Variants in BSN observed in about 807,000 individuals in gnomAD.
BSN encodes bassoon presynaptic cytomatrix protein, also known as protein bassoon.
BSN carries 57 observed loss-of-function variants against 264.8 expected under a neutral mutation model. That is an observed-to-expected ratio of 0.22 (90% CI 0.17 to 0.27). BSN has a LOEUF of 0.27. Ranked by LOEUF, BSN falls within the 10% of genes least tolerant of loss-of-function variation. The probability of loss-of-function intolerance (pLI) is 1.00; values close to 1 mark genes in which losing one functional copy is unlikely to be tolerated. For synonymous variants in BSN, 2,059 were observed against 2,137.3 expected (o/e 0.96, Z 1.01); for missense variants, 4,615 against 5,232.5 (o/e 0.88, Z 3.64).
chr3:49,558,751 T>G (rs1396969507), intron 1 of BSN, among the ~76,000 whole-genome samples: 3 of 152,186 alleles, frequency 2.0e-5, no homozygotes, highest in Non-Finnish European at 4.4e-5. Flanking sequence ...ATCTGAATGG[T>G]GACGATGTCA....
At chr3:49,646,093 G>A (rs4855846) in intron 3 of BSN, among the ~76,000 whole-genome samples, 124,521 of 152,176 alleles carry the variant, frequency 0.82, 51,307 homozygotes, top group East Asian at 0.99. Flanking sequence ...CTGAGCTGTA[G>A]AAATCTTTCT....
chr3:49,619,391 C>T (rs1377755950), intron 1 of BSN, among the ~76,000 whole-genome samples: 1 of 152,194 alleles, frequency 6.6e-6, no homozygotes, highest in African/African-American at 2.4e-5. Flanking sequence ...TCCAAAGAAC[C>T]CAAACTGCAA....
chr3:49,655,548 G>A lies in BSN; in HGVS notation c.5992G>A (p.Ala1998Thr). The change falls in exon 5 of 12, where the codon GCC (alanine) becomes ACC (threonine). Residue 1998 changes from alanine (A) to threonine (T), a missense_variant. Ala to Thr is a moderately conservative substitution (Grantham distance 58). This residue lies in a region of BSN where 3,415 missense variants were observed against 3,866.4 expected (regional missense o/e 0.88). Coordinates refer to ENST00000296452, the MANE Select transcript of BSN (RefSeq NM_003458.4). The stretch of plus-strand genomic sequence containing the variant: ...GGCTGAGGCTGGCCTCAACTACCAT[G>A]CCCAGAGGATCGGGCAGCTCTTCCA... ...NLAEAGLNYH[A>T]QRIGQLFQGP... The A allele has an allele frequency of 6.2e-7, 1 of 1,613,114 alleles. No individual in the cohort carries two copies. Among genetic ancestry groups the A allele is most frequent in the Non-Finnish European group, 8.5e-7 (1 of 1,179,736 alleles).
chr3:49,648,443 C>G (rs2052515882), intron 3 of BSN, among the ~76,000 whole-genome samples: 1 of 152,236 alleles, frequency 6.6e-6, no homozygotes, highest in South Asian at 2.1e-4. Context: ...GCTGTTTGAT[C>G]ATTTCCAGAG....
chr3:49,574,115 AATTTTTGT>A (rs1369896131), intron 1 of BSN, among the ~76,000 whole-genome samples: 4 of 140,542 alleles, frequency 2.8e-5, no homozygotes, highest in Middle Eastern at 3.9e-3. Context: ...ACATCTGGCT[AATTTTTGT>A]ATTTTTGTAT....
Position 49,650,672 on chromosome 3 carries a change from G to C in BSN, c.1579G>C (p.Glu527Gln). The change falls in exon 4 of 12, where the codon GAG (glutamate) becomes CAG (glutamine). Residue 527 changes from glutamate (E) to glutamine (Q), a missense_variant. Coordinates refer to ENST00000296452, the MANE Select transcript of BSN (RefSeq NM_003458.4). ...TKRLLEGSLG[E>Q]PTPLPPPTSQ... ...GCGGCTACTGGAGGGCAGCCTAGGA[G>C]AGCCGACCCCCCTGCCGCCGCCCAC... is the stretch of plus-strand genomic sequence containing the variant. 1 of 1,610,358 alleles carries C rather than the reference G, an allele frequency of 6.2e-7. No individual in the cohort carries two copies. Among genetic ancestry groups the C allele is most frequent in the Non-Finnish European group, 8.5e-7 (1 of 1,179,050 alleles).
In BSN at chr3:49,653,178, G is replaced by T. The variant is rs2052559664; in HGVS notation, c.3622G>T (p.Ala1208Ser). The change falls in exon 5 of 12, where the codon GCC becomes TCC. Residue 1208 changes from alanine (A) to serine (S), a missense_variant. By Grantham distance (99) the Ala-to-Ser change is moderately conservative. Transcript: ENST00000296452. The surrounding 1 kb of genome is among the most constrained non-coding windows in gnomAD (Gnocchi z 6.3). ...LQRQQGQAAGARGPHGGPSQP... is the reference protein window; with the variant it reads ...LQRQQGQAAGSRGPHGGPSQP... ...GAGGCAGCAAGGCCAGGCAGCAGGG[G>T]CCCGGGGACCCCATGGCGGCCCCTC... 1 of 1,611,392 alleles carries T rather than the reference G, an allele frequency of 6.2e-7. No homozygotes were observed. Among genetic ancestry groups the T allele is most frequent in the African/African-American group, 1.3e-5 (1 of 74,766 alleles).
At position 49,625,744 on chromosome 3, in the gene BSN, C is replaced by G. The variant is rs1158680084; in HGVS notation, c.633+361C>G. 1.3e-5 allele frequency among the ~76,000 whole-genome samples: 2 copies of G among 152,178 alleles called. No homozygotes were observed. Among genetic ancestry groups the G allele is most frequent in the Non-Finnish European group, 2.9e-5 (2 of 68,028 alleles). ...CATTTGGAGTGGGCCATGAGCAGCT[C>G]TAGGACACAGAGGGAGGCAAATTTC... On this transcript the variant is annotated intron_variant, in intron 2 of 11. Transcript: ENST00000296452. This position sits in a 1 kb window ranked among gnomAD's most constrained non-coding sequence, Gnocchi z 4.4.
At chr3:49,612,357 G>A (rs747523024) in intron 1 of BSN, among the ~76,000 whole-genome samples, 7 of 152,136 alleles carry the variant, frequency 4.6e-5, no homozygotes, top group Non-Finnish European at 5.9e-5. Flanking sequence ...GGATGGTCTC[G>A]ATCTCCTGAC....
rs1489944816 is a variant in BSN at position 49,656,538 on chromosome 3, C to T, written c.6982C>T (p.Pro2328Ser). The T allele has an allele frequency of 3.8e-6, 6 of 1,568,982 alleles. No homozygotes were observed. In the African/African-American group the frequency reaches 6.8e-5, roughly 18 times the overall value. Residue 2328 changes from proline to serine, a missense_variant, in exon 5 of 12, where the codon CCT becomes TCT. This residue lies in a region of BSN where 3,415 missense variants were observed against 3,866.4 expected (regional missense o/e 0.88). Transcript: ENST00000296452. ...AIKEAAGAPA[P>S]APLAGQKPPA... ...CAAGGAGGCTGCAGGAGCCCCAGCT[C>T]CTGCCCCACTAGCTGGCCAGAAGCC...
chr3:49,656,921 CCAGCAGCTG>C lies in BSN; in HGVS notation c.7373_7381del (p.Leu2458_Gln2460del). On this transcript the variant is annotated inframe_deletion, in exon 5 of 12. Coordinates refer to ENST00000296452, the MANE Select transcript of BSN (RefSeq NM_003458.4). ...AGCAGCGTCTGCAGCTGGAGCAGATCCAGCAGCTGCAGCAGCAGCTGCAGCAGCAGCTAG... is the reference window on the plus strand; with the variant it reads ...AGCAGCGTCTGCAGCTGGAGCAGATCCAGCAGCAGCTGCAGCAGCAGCTAG... 1 of 1,598,632 alleles carries C rather than the reference CCAGCAGCTG, an allele frequency of 6.3e-7. No individual in the cohort carries two copies. The highest frequency in any genetic ancestry group is 8.5e-7 in the Non-Finnish European group (1 of 1,171,644).
chr3:49,662,729 C>T, intron 6 of BSN, 147 bp from the exon 7 acceptor site: 1 of 962,958 alleles, frequency 1.0e-6, no homozygotes, highest in Non-Finnish European at 1.4e-6. Flanking sequence ...GTGCCCTGGT[C>T]CGTGGTTGCG....
At chr3:49,609,669 A>G (rs1259213632) in intron 1 of BSN, among the ~76,000 whole-genome samples, 2 of 152,156 alleles carry the variant, frequency 1.3e-5, no homozygotes, top group Non-Finnish European at 2.9e-5. Context: ...ACTTAGCACA[A>G]TATAACTGGT....
intron 1 of BSN, among the ~76,000 whole-genome samples, chr3:49,576,422 TTTTTC>T (rs1203011640): frequency 4.5e-4 from 69 of 151,808 alleles, no homozygotes; most frequent in Middle Eastern, 6.8e-3. Context: ...TCTTTTTTCT[TTTTTC>T]TTTTTTTTTT....
At chr3:49,587,295 C>G (rs1410541541) in intron 1 of BSN, among the ~76,000 whole-genome samples, 1 of 152,136 alleles carries the variant, frequency 6.6e-6, no homozygotes, top group African/African-American at 2.4e-5. Flanking sequence ...TTTATCAATT[C>G]TAATAGTTTT....
intron 1 of BSN, among the ~76,000 whole-genome samples, chr3:49,577,645 T>C (rs1207345408): frequency 2.0e-5 from 3 of 152,042 alleles, no homozygotes; most frequent in African/African-American, 7.2e-5. Context: ...GTTAAAGCGA[T>C]TCTCCTGCCT....
chr3:49,672,224 A>G (rs1196941770), downstream of BSN, among the ~76,000 whole-genome samples: 2 of 152,016 alleles, frequency 1.3e-5, no homozygotes, highest in Admixed American at 6.6e-5. Flanking sequence ...TATTTCAGGT[A>G]CTTAAATGTT....
intron 11 of BSN, among the ~76,000 whole-genome samples, chr3:49,666,069 T>G (rs1354150212): frequency 6.6e-6 from 1 of 152,248 alleles, no homozygotes. Flanking sequence ...TTGGTACAGC[T>G]CTGTGCACAG....
chr3:49,589,133 C>CG (rs1163085306), intron 1 of BSN, among the ~76,000 whole-genome samples: 1 of 139,548 alleles, frequency 7.2e-6, no homozygotes, highest in Non-Finnish European at 1.5e-5. Context: ...AGGATGGTCT[C>CG]GATCTCCTGA....
Sources: allele counts gnomAD v4.1 joint callset (sites outside exome capture counted in the v4.1 genomes callset), GRCh38; gene constraint gnomAD v4.1.1; regional missense constraint gnomAD v4.1.1; non-coding constraint Gnocchi (gnomAD v3.1); transcripts MANE v1.5; gene names NCBI Gene and HGNC (gene_info 2026-07-23, HGNC 2026-07-21).